GRIA2: variants seen among roughly 807,000 people sequenced by gnomAD.
The protein encoded by GRIA2 is glutamate receptor 2.
In GRIA2, 14 loss-of-function variants were observed where a neutral mutation model predicts 97.3. That is an observed-to-expected ratio of 0.14 (90% CI 0.10 to 0.23). The LOEUF (loss-of-function observed/expected upper bound fraction) is 0.23, where lower values mean the gene tolerates loss of function less well. GRIA2 is among the 10% of genes least tolerant of loss of function. The pLI, the probability that GRIA2 is intolerant of heterozygous loss-of-function variation, is 1.00. For missense variants in GRIA2, 558 were observed against 1,069.8 expected (o/e 0.52, Z 6.67); for synonymous variants, 412 against 387.8 (o/e 1.06, Z -0.73).
chr4:157,275,807 C>T (rs1732278631), intron 2 of GRIA2, among the ~76,000 whole-genome samples: 1 of 151,928 alleles, frequency 6.6e-6, no homozygotes, highest in South Asian at 2.1e-4. Context: ...TAGCGTGATG[C>T]CTCCAGCTTT....
intron 2 of GRIA2, among the ~76,000 whole-genome samples, chr4:157,281,364 G>T (rs1042376231): frequency 1.3e-5 from 2 of 152,016 alleles, no homozygotes; most frequent in African/African-American, 4.8e-5. Flanking sequence ...TTTTTAGTAA[G>T]AGCTGGTCCA....
intron 2 of GRIA2, among the ~76,000 whole-genome samples, chr4:157,291,323 T>G (rs1486463334): frequency 6.6e-6 from 1 of 151,998 alleles, no homozygotes; most frequent in Non-Finnish European, 1.5e-5. Context: ...GCTTTGCTAT[T>G]TTTTTATTTG....
chr4:157,252,107 A>G (rs1731046145), intron 2 of GRIA2, among the ~76,000 whole-genome samples: 1 of 152,180 alleles, frequency 6.6e-6, no homozygotes, highest in South Asian at 2.1e-4. Flanking sequence ...ATTTTGCTTA[A>G]GAATGTCTAT....
intron 2 of GRIA2, among the ~76,000 whole-genome samples, chr4:157,258,066 A>G (rs1327602025): frequency 6.6e-6 from 1 of 152,064 alleles, no homozygotes; most frequent in East Asian, 1.9e-4. Context: ...TCATCTTCCT[A>G]AGCTGAGGAT....
intron 2 of GRIA2, among the ~76,000 whole-genome samples, chr4:157,259,644 G>A (rs554217684): frequency 3.3e-5 from 5 of 152,052 alleles, no homozygotes; most frequent in South Asian, 2.1e-4. Context: ...CTTTACTTTC[G>A]TTCTATATAA....
chr4:157,344,102 T>G (rs1219629134), intron 12 of GRIA2, among the ~76,000 whole-genome samples: 1 of 152,114 alleles, frequency 6.6e-6, no homozygotes, highest in Non-Finnish European at 1.5e-5. Context: ...ATAACTTTTT[T>G]CATAGAATGT....
chr4:157,263,512 T>G (rs1043919913), intron 2 of GRIA2, among the ~76,000 whole-genome samples: 1 of 152,092 alleles, frequency 6.6e-6, no homozygotes, highest in Non-Finnish European at 1.5e-5. Context: ...TCTATTCTAT[T>G]TTATTGGAAT....
chr4:157,296,907 A>G (rs987702951), intron 2 of GRIA2, among the ~76,000 whole-genome samples: 52 of 152,302 alleles, frequency 3.4e-4, no homozygotes, highest in African/African-American at 1.2e-3. Context: ...CAAACTAGAC[A>G]AATATAAAAC....
intron 2 of GRIA2, among the ~76,000 whole-genome samples, chr4:157,280,878 T>C (rs911616028): frequency 6.6e-6 from 1 of 152,032 alleles, no homozygotes; most frequent in African/African-American, 2.4e-5. Flanking sequence ...CAGTCTATTG[T>C]GGTCTGTCCT....
chr4:157,290,948 G>A (rs187758355), intron 2 of GRIA2, among the ~76,000 whole-genome samples: 334 of 151,940 alleles, frequency 2.2e-3, no homozygotes, highest in Non-Finnish European at 3.9e-3. Context: ...AATATACTCT[G>A]TGATTTATAT....
At chr4:157,330,014 A>G (rs188473473) in intron 6 of GRIA2, among the ~76,000 whole-genome samples, 1 of 152,070 alleles carries the variant, frequency 6.6e-6, no homozygotes, top group Admixed American at 6.6e-5. Context: ...GAATTGGAAT[A>G]AAAACAGTGG....
intron 2 of GRIA2, among the ~76,000 whole-genome samples, chr4:157,255,876 A>C (rs958917965): frequency 6.6e-6 from 1 of 151,844 alleles, no homozygotes; most frequent in South Asian, 2.1e-4. Flanking sequence ...AAAAGAATAC[A>C]TACAAATGGC....
At chr4:157,333,220 A>C in intron 7 of GRIA2, 29 bp from the exon 8 acceptor site, 2 of 1,290,638 alleles carry the variant, frequency 1.5e-6, no homozygotes, top group South Asian at 1.3e-5. Context: ...TAAATATATA[A>C]CTCTGCTGCT....
Position 157,335,874 on chromosome 4 carries a change from T to C in GRIA2, c.1470T>C (p.Tyr490=), listed in dbSNP as rs1348359566. 6.3e-7 allele frequency: 1 copy of C among 1,585,248 alleles called. No homozygotes were observed. Among genetic ancestry groups the C allele is most frequent in the Non-Finnish European group, 8.7e-7 (1 of 1,155,588 alleles). ...IWNGMVGELV[Y]GKADIAIAPL... is the part of the protein sequence containing the mutation. Reference sequence around the variant, plus strand: ...ATGGGATGGTTGGAGAACTTGTATATGGGGTAAGTATAGCTCTTCTCATAG... The same window carrying C: ...ATGGGATGGTTGGAGAACTTGTATACGGGGTAAGTATAGCTCTTCTCATAG... Residue 490 remains tyrosine (Y), a synonymous_variant, in exon 10 of 16, where the codon TAT becomes TAC. Coordinates refer to ENST00000264426, the MANE Select transcript of GRIA2 (RefSeq NM_001083619.3).
intron 3 of GRIA2, among the ~76,000 whole-genome samples, chr4:157,306,530 A>C (rs1733853209): frequency 1.3e-5 from 2 of 152,208 alleles, no homozygotes; most frequent in Non-Finnish European, 2.9e-5. Flanking sequence ...ATTAAAGCCA[A>C]AATGACCTTA....
chr4:157,291,104 T>A (rs1000590302), intron 2 of GRIA2, among the ~76,000 whole-genome samples: 11 of 151,988 alleles, frequency 7.2e-5, no homozygotes, highest in Non-Finnish European at 1.3e-4. Context: ...ATTAATATTT[T>A]CCCTTGAAAT....
chr4:157,335,791 T>C lies in GRIA2; in HGVS notation c.1387T>C (p.Leu463=), dbSNP rs1219242475. The C allele has an allele frequency of 1.2e-6, 2 of 1,612,966 alleles. No individual in the cohort carries two copies. The highest frequency in any genetic ancestry group is 4.5e-5 in the East Asian group (2 of 44,826). Residue 463 remains leucine (L), a synonymous_variant, in exon 10 of 16, where the codon TTG becomes CTG. Coordinates refer to ENST00000264426, the MANE Select transcript of GRIA2 (RefSeq NM_001083619.3). ...IAKHCGFKYK[L]TIVGDGKYGA... ...CAAACATTGTGGGTTCAAGTACAAGTTGACAATTGTTGGTGATGGCAAGTA... is the reference window on the plus strand; with the variant it reads ...CAAACATTGTGGGTTCAAGTACAAGCTGACAATTGTTGGTGATGGCAAGTA...
chr4:157,309,870 A>G (rs1734002119), intron 3 of GRIA2, among the ~76,000 whole-genome samples: 1 of 152,202 alleles, frequency 6.6e-6, no homozygotes, highest in Non-Finnish European at 1.5e-5. Flanking sequence ...GCTATTTCAG[A>G]GAATAAGGAT....
Position 157,249,073 on chromosome 4 carries a change from G to A in GRIA2, c.229+27266G>A, listed in dbSNP as rs578239611. ...TGCTCTGGATCTCCTGGCCTCAAGT[G>A]ATCCTCCTGCCTCAGCCTCCCAAAG... On this transcript the variant is annotated intron_variant, in intron 2 of 15. Coordinates refer to ENST00000264426, the MANE Select transcript of GRIA2 (RefSeq NM_001083619.3). Among the ~76,000 whole-genome samples, 9 of 152,074 alleles carry A rather than the reference G, an allele frequency of 5.9e-5. No homozygotes were observed. In the South Asian group the frequency reaches 1.9e-3, roughly 32 times the overall value.
Sources: allele counts gnomAD v4.1 joint callset (sites outside exome capture counted in the v4.1 genomes callset), GRCh38; gene constraint gnomAD v4.1.1; transcripts MANE v1.5; gene names NCBI Gene and HGNC (gene_info 2026-07-23, HGNC 2026-07-21).